The following CRCP variants were observed in gnomAD, a reference collection of about 807,000 sequenced individuals.
CRCP encodes DNA-directed RNA polymerase III subunit RPC9.
CRCP carries 18 observed loss-of-function variants against 18.5 expected under a neutral mutation model. The ratio of observed to expected loss-of-function variants is 0.97; its 90% confidence interval spans 0.67 to 1.44. CRCP has a LOEUF of 1.44. Among genes scored for constraint, CRCP ranks in the 40% most tolerant of loss-of-function variants. The pLI is 0.00. For synonymous variants in CRCP, 53 were observed against 62.9 expected (o/e 0.84, Z 0.75); for missense variants, 130 against 176.4 (o/e 0.74, Z 1.49).
chr7:66,147,205 G>T (rs1404784092), intron 5 of CRCP, among the ~76,000 whole-genome samples: 2 of 152,150 alleles, frequency 1.3e-5, no homozygotes, highest in East Asian at 3.8e-4. Flanking sequence ...AGCTGGGCAT[G>T]ATGGTGCACA....
chr7:66,125,926 G>C lies in CRCP; in HGVS notation c.9-1778G>C, dbSNP rs1264600676. Among the ~76,000 whole-genome samples, 2 of 149,332 alleles carry C rather than the reference G, an allele frequency of 1.3e-5. 1 individual carries two copies. The highest frequency in any genetic ancestry group is 1.3e-4 in the Admixed American group (2 of 14,908). On this transcript the variant is annotated intron_variant, in intron 1 of 5. Transcript: ENST00000395326. The stretch of plus-strand genomic sequence containing the variant: ...CAATTTCAAGCAAAGATAGGAGGAA[G>C]CCAGTGGGCAGATTTCCTGATTAAG...
At chr7:66,147,010 G>T (rs1788317893) in intron 5 of CRCP, among the ~76,000 whole-genome samples, 1 of 152,164 alleles carries the variant, frequency 6.6e-6, no homozygotes, top group South Asian at 2.1e-4. Context: ...TGTGGAAAGT[G>T]GTATCATTAC....
At chr7:66,141,553 C>T (rs904929581) in intron 4 of CRCP, among the ~76,000 whole-genome samples, 6 of 152,142 alleles carry the variant, frequency 3.9e-5, no homozygotes, top group African/African-American at 1.2e-4. Flanking sequence ...CAGAGCCTCT[C>T]TGGAGAAGAG....
At chr7:66,123,318 A>G (rs954604795) in intron 1 of CRCP, among the ~76,000 whole-genome samples, 2 of 152,194 alleles carry the variant, frequency 1.3e-5, no homozygotes, top group Non-Finnish European at 2.9e-5. Context: ...AGCAGTTTCT[A>G]GAAGTCTGAT....
chr7:66,123,771 G>T (rs559600964), intron 1 of CRCP, among the ~76,000 whole-genome samples: 1 of 150,558 alleles, frequency 6.6e-6, no homozygotes, highest in Non-Finnish European at 1.5e-5. Flanking sequence ...AAGGTGGGGG[G>T]GCCGGGCGCA....
At chr7:66,131,831 A>C (rs1266332883) in intron 3 of CRCP, among the ~76,000 whole-genome samples, 1 of 150,870 alleles carries the variant, frequency 6.6e-6, no homozygotes, top group Admixed American at 6.6e-5. Flanking sequence ...GCCATGGCGC[A>C]ACCTCGGCTC....
In CRCP at chr7:66,116,586, T is replaced by G. The variant is rs75760412; in HGVS notation, c.8+1616T>G. Among the ~76,000 whole-genome samples, 1,135 of 152,218 alleles carry G rather than the reference T, an allele frequency of 7.5e-3. 17 individuals are homozygous for G. The highest frequency in any genetic ancestry group is 0.026 in the African/African-American group (1,066 of 41,554). On this transcript the variant is annotated intron_variant, in intron 1 of 5. Transcript: ENST00000395326. ...CTAAAAAACTATTCATATAATTTAC[T>G]CTAGTCCAAGCCATCATTACTAATT... is the stretch of plus-strand genomic sequence containing the variant.
At chr7:66,138,177 G>A (rs1008957253) in intron 4 of CRCP, among the ~76,000 whole-genome samples, 2 of 152,086 alleles carry the variant, frequency 1.3e-5, no homozygotes, top group Admixed American at 6.6e-5. Flanking sequence ...TGGGTTGATT[G>A]ATCTTTTCCT....
intron 1 of CRCP, among the ~76,000 whole-genome samples, chr7:66,122,449 C>T (rs1211993384): frequency 6.6e-6 from 1 of 151,186 alleles, no homozygotes; most frequent in African/African-American, 2.4e-5. Context: ...GGAAAGTCCA[C>T]CAAGAGATCA....
chr7:66,149,500 G>C (rs1788392784), intron 5 of CRCP, among the ~76,000 whole-genome samples: 1 of 152,178 alleles, frequency 6.6e-6, no homozygotes, highest in Admixed American at 6.6e-5. Context: ...GCAGGGAAAG[G>C]AGGGAAATAG....
intron 2 of CRCP, among the ~76,000 whole-genome samples, chr7:66,128,310 C>T (rs947449841): frequency 5.9e-5 from 9 of 152,188 alleles, no homozygotes; most frequent in Non-Finnish European, 5.9e-5. Context: ...TAAATCTCAA[C>T]GATTCCAAAT....
intron 1 of CRCP, among the ~76,000 whole-genome samples, chr7:66,123,221 CG>C (rs1787504485): frequency 6.6e-6 from 1 of 151,880 alleles, no homozygotes; most frequent in African/African-American, 2.4e-5. Context: ...CCCAAAGTGC[CG>C]GGATTACAGG....
At chr7:66,139,545 G>C (rs1021761671) in intron 4 of CRCP, among the ~76,000 whole-genome samples, 1 of 152,192 alleles carries the variant, frequency 6.6e-6, no homozygotes, top group Admixed American at 6.6e-5. Context: ...GGACATTTGA[G>C]TATTATATTG....
chr7:66,143,839 A>C (rs1047799452), intron 4 of CRCP, among the ~76,000 whole-genome samples: 1 of 152,196 alleles, frequency 6.6e-6, no homozygotes, highest in East Asian at 1.9e-4. Context: ...GAAAGCAAGC[A>C]ATAAATGGTA....
chr7:66,127,768 C>T lies in CRCP; in HGVS notation c.45+28C>T, dbSNP rs761193895. ...AAATTGGATTGTTACATTTTCCTCT[C>T]TGATAGTTTGCCCTTCGCTCCTGAG... is the stretch of plus-strand genomic sequence containing the variant. On this transcript the variant is annotated intron_variant, in intron 2 of 5. Transcript: ENST00000395326. 15 of 1,612,320 alleles carry T rather than the reference C, an allele frequency of 9.3e-6. No individual in the cohort carries two copies. In the Admixed American group the frequency reaches 2.2e-4, roughly 23 times the overall value.
At position 66,151,130 on chromosome 7, in the gene CRCP, G is replaced by A. The variant is rs932987109; in HGVS notation, c.298-1078G>A. ...TGTTGGGAGGACGAAAGGAAATGCC[G>A]GATGGGAAGTGCAAGATGCAGCTCC... On this transcript the variant is annotated intron_variant, in intron 5 of 5. Transcript: ENST00000395326. 2.6e-5 allele frequency among the ~76,000 whole-genome samples: 4 copies of A among 152,154 alleles called. No homozygotes were observed. In the East Asian group the frequency reaches 7.7e-4, roughly 29 times the overall value.
intron 1 of CRCP, among the ~76,000 whole-genome samples, chr7:66,126,416 C>T (rs542209583): frequency 1.3e-5 from 2 of 149,292 alleles, no homozygotes; most frequent in South Asian, 2.1e-4. Flanking sequence ...TCTGCATGAC[C>T]AGTTTCCATT....
chr7:66,150,450 A>G (rs1169802074), intron 5 of CRCP, among the ~76,000 whole-genome samples: 1 of 151,890 alleles, frequency 6.6e-6, no homozygotes, highest in African/African-American at 2.4e-5. Context: ...ATTTCACAGC[A>G]TCATAGGGAG....
In CRCP at chr7:66,152,561, T is replaced by A; in HGVS notation, c.*204T>A. On this transcript the variant is annotated 3_prime_UTR_variant, in exon 6 of 6. Coordinates refer to ENST00000395326, the MANE Select transcript of CRCP (RefSeq NM_014478.5). ...ACATGGTGAAAACAGGCTGAGGTTG[T>A]CAGGGCAGAGAGCTGAAGGTGGGGA... 1.7e-6 allele frequency: 1 copy of A among 581,602 alleles called. No individual in the cohort carries two copies. Among genetic ancestry groups the A allele is most frequent in the Non-Finnish European group, 3.0e-6 (1 of 335,632 alleles). The allele number at this position is 581,602 out of a possible 1,614,324, so 36.0% of individuals were successfully genotyped here.
Sources: allele counts gnomAD v4.1 joint callset (sites outside exome capture counted in the v4.1 genomes callset), GRCh38; gene constraint gnomAD v4.1.1; transcripts MANE v1.5; gene names NCBI Gene and HGNC (gene_info 2026-07-23, HGNC 2026-07-21).